LRRIQ1: variants seen among roughly 807,000 people sequenced by gnomAD.
LRRIQ1 encodes leucine rich repeats and IQ motif containing 1, also known as leucine-rich repeat- and IQ domain-containing protein 1.
LRRIQ1 carries 210 observed loss-of-function variants against 211.9 expected under a neutral mutation model. That is an observed-to-expected ratio of 0.99 (90% CI 0.89 to 1.11). The LOEUF (loss-of-function observed/expected upper bound fraction) is 1.11. LRRIQ1 is among the 50% of genes most tolerant of loss of function. LRRIQ1 has a pLI of 0.00. For synonymous variants in LRRIQ1, 699 were observed against 650.1 expected (o/e 1.08, Z -1.14); for missense variants, 2,136 against 1,939.5 (o/e 1.10, Z -1.90).
chr12:85,248,754 G>A (rs372775160), downstream of LRRIQ1, among the ~76,000 whole-genome samples: 3 of 151,782 alleles, frequency 2.0e-5, no homozygotes. Context: ...GGCACTATTC[G>A]TGATTTGTGC....
chr12:85,145,046 T>G (rs2136614872), intron 19 of LRRIQ1, among the ~76,000 whole-genome samples: 1 of 151,676 alleles, frequency 6.6e-6, no homozygotes, highest in Non-Finnish European at 1.5e-5. Flanking sequence ...AAAAAAATAG[T>G]TGCCTTTAGG....
At chr12:85,227,495 C>A (rs1894721127) in intron 24 of LRRIQ1, among the ~76,000 whole-genome samples, 1 of 151,972 alleles carries the variant, frequency 6.6e-6, no homozygotes, top group African/African-American at 2.4e-5. Context: ...CTGTTCATAT[C>A]CTTCGCCCAC....
In LRRIQ1 at chr12:85,232,635, CTTTTA is replaced by C; in HGVS notation, c.4956-59_4956-55del. ...TCTCAAGCTTTTTAGTTGGACGTTT[CTTTTA>C]TATGCTTCCTCTACATTTACATTAT... On this transcript the variant is annotated intron_variant, in intron 25 of 26. Transcript: ENST00000393217. The C allele has an allele frequency of 2.2e-6, 3 of 1,368,832 alleles. No individual in the cohort carries two copies. In the Admixed American group the frequency reaches 6.1e-5, roughly 28 times the overall value. 84.8% of individuals were successfully genotyped at this position (1,368,832 alleles called of 1,614,324 possible).
Position 85,245,054 on chromosome 12 carries a change from C to A in LRRIQ1, c.*113C>A, listed in dbSNP as rs1348517293. ...AAATGTGTATTTAAATTTTTTCTTT[C>A]TTTAAATATCCTCTTTTGATATAAA... On this transcript the variant is annotated 3_prime_UTR_variant, in exon 27 of 27. Transcript: ENST00000393217. 7 of 1,389,152 alleles carry A rather than the reference C, an allele frequency of 5.0e-6. No individual in the cohort carries two copies. The highest frequency in any genetic ancestry group is 6.6e-6 in the Non-Finnish European group (7 of 1,052,800). 86.1% of individuals were successfully genotyped at this position (1,389,152 alleles called of 1,614,324 possible).
chr12:85,131,212 CA>C (rs111605863), intron 18 of LRRIQ1, among the ~76,000 whole-genome samples: 1,621 of 127,406 alleles, frequency 0.013, 15 homozygotes, highest in African/African-American at 0.028. Context: ...GATTTTGTCT[CA>C]AAAAAAAAAA....
rs1880975129 is a variant in LRRIQ1, at chr12:85,055,899, A to G, written c.1106A>G (p.Asn369Ser). ...GAAAAAGAATATGAAGAAAAAAAGA[A>G]TATTGTGAAACAGGAAAGAGAGCAA... ...RREKEYEEKK[N>S]IVKQEREQLI... The change falls in exon 8 of 27, where the codon AAT becomes AGT. Residue 369 changes from asparagine to serine, a missense_variant. Transcript: ENST00000393217. The G allele has an allele frequency of 6.3e-7, 1 of 1,596,522 alleles. No individual in the cohort carries two copies. The highest frequency in any genetic ancestry group is 1.8e-5 in the Admixed American group (1 of 56,182).
intron 11 of LRRIQ1, among the ~76,000 whole-genome samples, chr12:85,090,270 C>G (rs1015116503): frequency 6.6e-6 from 1 of 152,180 alleles, no homozygotes; most frequent in Non-Finnish European, 1.5e-5. Flanking sequence ...AGAACCTCTA[C>G]CAAAGTAGGG....
intron 7 of LRRIQ1, among the ~76,000 whole-genome samples, chr12:85,052,461 GTA>G (rs1412466545): frequency 6.6e-6 from 1 of 151,908 alleles, no homozygotes; most frequent in East Asian, 1.9e-4. Context: ...AGTGTTGTCC[GTA>G]TAAAATTGTA....
At chr12:85,120,359 T>G (rs1887883483) in intron 15 of LRRIQ1, among the ~76,000 whole-genome samples, 1 of 152,050 alleles carries the variant, frequency 6.6e-6, no homozygotes, top group Non-Finnish European at 1.5e-5. Flanking sequence ...TGTGGATCTA[T>G]TTCTGGACTT....
At chr12:85,245,161 C>T, downstream of LRRIQ1, 9 of 620,586 alleles carry the variant, frequency 1.5e-5, no homozygotes, top group Non-Finnish European at 2.2e-5. Flanking sequence ...CTGCCCCCCA[C>T]ACCCTGTGAA....
chr12:85,179,139 T>C (rs773471073), intron 24 of LRRIQ1, among the ~76,000 whole-genome samples: 1 of 151,976 alleles, frequency 6.6e-6, no homozygotes, highest in Non-Finnish European at 1.5e-5. Flanking sequence ...ATATTCATTC[T>C]AATCAGAATC....
At chr12:85,260,406 GA>G (rs2137333694) in intron 1 of LRRIQ1, among the ~76,000 whole-genome samples, 1 of 151,878 alleles carries the variant, frequency 6.6e-6, no homozygotes, top group East Asian at 1.9e-4. Context: ...TTATATTATT[GA>G]ATTAAATTTT....
At chr12:85,086,072 T>C (rs1215616669) in intron 11 of LRRIQ1, among the ~76,000 whole-genome samples, 2 of 152,196 alleles carry the variant, frequency 1.3e-5, no homozygotes, top group Admixed American at 6.5e-5. Flanking sequence ...TGTTCCCTTT[T>C]CTCTGCAACC....
At chr12:85,204,922 G>A (rs2137036657) in intron 24 of LRRIQ1, among the ~76,000 whole-genome samples, 1 of 152,202 alleles carries the variant, frequency 6.6e-6, no homozygotes, top group Non-Finnish European at 1.5e-5. Flanking sequence ...ATTTGGCAGG[G>A]GCTGGGGTGG....
At chr12:85,106,710 A>G (rs1030018170) in intron 15 of LRRIQ1, 95 bp downstream of exon 15, 97 of 778,984 alleles carry the variant, frequency 1.2e-4, no homozygotes, top group Non-Finnish European at 7.1e-5. Flanking sequence ...ATTACCTAGG[A>G]TAAGTTAATT....
intron 23 of LRRIQ1, among the ~76,000 whole-genome samples, chr12:85,158,002 A>AAAACTCT (rs1890652639): frequency 1.3e-5 from 2 of 151,988 alleles, no homozygotes; most frequent in Non-Finnish European, 2.9e-5. Context: ...TAGTATAGAC[A>AAAACTCT]AAACTCTACC....
the LRRIQ1 span, among the ~76,000 whole-genome samples, chr12:85,271,492 C>A: frequency 6.6e-6 from 1 of 152,032 alleles, no homozygotes; most frequent in Non-Finnish European, 1.5e-5. Context: ...TTTACAAATC[C>A]TTTTTGCCTC....
At chr12:85,256,057 A>G (rs1380436908) in intron 1 of LRRIQ1, among the ~76,000 whole-genome samples, 2 of 151,736 alleles carry the variant, frequency 1.3e-5, no homozygotes, top group African/African-American at 2.4e-5. Flanking sequence ...TGAGTCAACA[A>G]TTATTCCAGG....
At position 85,056,285 on chromosome 12, in the gene LRRIQ1, A is replaced by G. The variant is rs1881054521; in HGVS notation, c.1492A>G (p.Lys498Glu). The G allele has an allele frequency of 1.3e-6, 2 of 1,584,712 alleles. No homozygotes were observed. Reference protein sequence around the residue: ...AKKRCSEELVKQERKYENTDN... With the variant: ...AKKRCSEELVEQERKYENTDN... ...AAAACGATGTTCAGAAGAATTGGTC[A>G]AGCAAGAAAGAAAATATGAAAATAC... Residue 498 changes from lysine to glutamate, a missense_variant, in exon 8 of 27, where the codon AAG (lysine) becomes GAG (glutamate). By Grantham distance (56) the Lys-to-Glu change is moderately conservative. Transcript: ENST00000393217.
Sources: gnomAD v4.1 joint callset for allele counts (sites outside exome capture counted in the v4.1 genomes callset) on GRCh38, gnomAD v4.1.1 for gene constraint, MANE v1.5 for transcripts, NCBI Gene and HGNC (gene_info 2026-07-23, HGNC 2026-07-21) for gene names.